Variants in HS2ST1 observed in about 807,000 individuals in gnomAD.
HS2ST1 encodes the protein 2-O-sulfotransferase.
HS2ST1 carries 18 observed loss-of-function variants against 42.9 expected under a neutral mutation model. The ratio of observed to expected loss-of-function variants is 0.42; its 90% CI spans 0.29 to 0.62. HS2ST1 has a LOEUF of 0.62. Among genes scored for constraint, HS2ST1 ranks in the 20% least tolerant of loss-of-function variants. The pLI, the probability that HS2ST1 is intolerant of heterozygous loss-of-function variation, is 0.21. For synonymous variants in HS2ST1, 146 were observed against 152.9 expected, an observed-to-expected ratio of 0.95 and a Z score of 0.33; for missense variants, 334 against 433.8, an observed-to-expected ratio of 0.77 and a Z score of 2.04.
intron 1 of HS2ST1, among the ~76,000 whole-genome samples, chr1:86,976,685 ATCTTT>A (rs758620537): frequency 5.6e-5 from 3 of 53,972 alleles, no homozygotes; most frequent in Non-Finnish European, 1.4e-4. Flanking sequence ...TTGTAAATCC[ATCTTT>A]TCTTTATAAA....
At chr1:87,054,060 C>T (rs963661566) in intron 1 of HS2ST1, among the ~76,000 whole-genome samples, 5 of 152,102 alleles carry the variant, frequency 3.3e-5, no homozygotes, top group African/African-American at 1.2e-4. Flanking sequence ...ATATTACTAC[C>T]TGGATGTTCC....
chr1:87,064,986 G>A (rs1409536952), intron 1 of HS2ST1, among the ~76,000 whole-genome samples: 1 of 152,146 alleles, frequency 6.6e-6, no homozygotes, highest in Non-Finnish European at 1.5e-5. Context: ...ATACTCTTAA[G>A]AAAATAGTGT....
chr1:86,934,976 C>T (rs1257389399), intron 1 of HS2ST1: 2 of 138,460 alleles, frequency 1.4e-5, no homozygotes, highest in African/African-American at 2.7e-5. Context: ...TCAGTTTGTT[C>T]GGCTTTCTGG....
At chr1:86,996,655 A>T (rs921668381) in intron 1 of HS2ST1, among the ~76,000 whole-genome samples, 3 of 152,172 alleles carry the variant, frequency 2.0e-5, no homozygotes, top group African/African-American at 7.2e-5. Flanking sequence ...AGTCAAAGAT[A>T]ACAAAGCATA....
chr1:86,965,046 G>C (rs955575779), intron 1 of HS2ST1, among the ~76,000 whole-genome samples: 3 of 152,132 alleles, frequency 2.0e-5, no homozygotes, highest in Admixed American at 6.5e-5. Flanking sequence ...GCCAAGATTA[G>C]GTGTGTCTGG....
Position 86,955,753 on chromosome 1 carries a change from G to A in HS2ST1, c.124+40593G>A, listed in dbSNP as rs11161911. On this transcript the variant is annotated intron_variant, in intron 1 of 6. Transcript: ENST00000370550. The stretch of plus-strand genomic sequence containing the variant: ...TAGTCCCAGCACTTTGGGAGGCCAA[G>A]GTGGGCGGATTGCCTGAGTCCAGGA... 8.0e-3 allele frequency among the ~76,000 whole-genome samples: 1,213 copies of A among 152,330 alleles called. 22 individuals are homozygous for A. Among genetic ancestry groups the A allele is most frequent in the African/African-American group, 0.028 (1,178 of 41,564 alleles).
chr1:87,080,482 G>GC (rs1470974172), intron 2 of HS2ST1, among the ~76,000 whole-genome samples: 30 of 152,120 alleles, frequency 2.0e-4, no homozygotes, highest in Non-Finnish European at 8.8e-5. Context: ...ATTTGTTAAA[G>GC]CAGAATCATG....
chr1:87,005,268 T>G (rs1649403873), intron 1 of HS2ST1, among the ~76,000 whole-genome samples: 1 of 152,218 alleles, frequency 6.6e-6, no homozygotes, highest in South Asian at 2.1e-4. Flanking sequence ...TTTCAATATT[T>G]TGTCTTGTTA....
chr1:87,000,261 T>C (rs982646423), intron 1 of HS2ST1, among the ~76,000 whole-genome samples: 1 of 152,180 alleles, frequency 6.6e-6, no homozygotes, highest in African/African-American at 2.4e-5. Flanking sequence ...AAAGCTGTAT[T>C]GGATTATACA....
intron 1 of HS2ST1, among the ~76,000 whole-genome samples, chr1:86,995,009 G>GGT (rs750621544): frequency 4.0e-5 from 6 of 151,760 alleles, no homozygotes; most frequent in Non-Finnish European, 5.9e-5. Context: ...AAACATAAGG[G>GGT]GTACTGTATG....
At chr1:87,017,332 T>C (rs1235236432) in intron 1 of HS2ST1, among the ~76,000 whole-genome samples, 2 of 152,178 alleles carry the variant, frequency 1.3e-5, no homozygotes, top group African/African-American at 2.4e-5. Context: ...AGAGGGGGTT[T>C]CACCGTGTTG....
intron 1 of HS2ST1, among the ~76,000 whole-genome samples, chr1:86,962,246 G>A (rs12137990): frequency 2.6e-5 from 4 of 152,078 alleles, no homozygotes; most frequent in Admixed American, 1.3e-4. Flanking sequence ...ATTTTGTTGT[G>A]GAATTACAAA....
At chr1:86,915,190 G>A in intron 1 of HS2ST1, 30 bp downstream of exon 1, 1 of 1,598,032 alleles carries the variant, frequency 6.3e-7, no homozygotes, top group Non-Finnish European at 8.5e-7. Flanking sequence ...CGGGCTGAGT[G>A]CTGTGGAAGG....
At chr1:86,949,028 A>T (rs1414703837) in intron 1 of HS2ST1, among the ~76,000 whole-genome samples, 1 of 152,212 alleles carries the variant, frequency 6.6e-6, no homozygotes, top group Non-Finnish European at 1.5e-5. Flanking sequence ...TTATTATTTT[A>T]AAAAGCTGAT....
chr1:86,931,479 G>C (rs1395555357), intron 1 of HS2ST1, among the ~76,000 whole-genome samples: 1 of 152,030 alleles, frequency 6.6e-6, no homozygotes, highest in Admixed American at 6.6e-5. Flanking sequence ...TGGAGTGATA[G>C]CATTTTTGCA....
intron 1 of HS2ST1, among the ~76,000 whole-genome samples, chr1:87,016,057 C>A (rs186759318): frequency 2.0e-5 from 3 of 150,930 alleles, no homozygotes; most frequent in Non-Finnish European, 4.4e-5. Flanking sequence ...CCTCATGATC[C>A]GCCAACCTCG....
chr1:87,106,525 G>A lies in HS2ST1; in HGVS notation c.*1829G>A, dbSNP rs895066161. 6.6e-6 allele frequency: 1 copy of A among 151,948 alleles called. No individual in the cohort carries two copies. Among genetic ancestry groups the A allele is most frequent in the Non-Finnish European group, 1.5e-5 (1 of 67,914 alleles). The allele number at this position is 151,948 out of a possible 1,614,324, so 9.4% of individuals were successfully genotyped here. A position where few individuals can be genotyped will look rare whatever the true frequency, so the allele number is the denominator to read the frequency against. On this transcript the variant is annotated 3_prime_UTR_variant, in exon 7 of 7. Transcript: ENST00000370550. ...GTAGATTGCCTTAAAGGTTATGGGA[G>A]GGCATGAGGGAACACTTCTTATGAG...
chr1:87,020,332 G>A (rs1340755511), intron 1 of HS2ST1, among the ~76,000 whole-genome samples: 1 of 152,104 alleles, frequency 6.6e-6, no homozygotes, highest in Non-Finnish European at 1.5e-5. Flanking sequence ...CTATTACACT[G>A]ATGCAAATGC....
intron 1 of HS2ST1, among the ~76,000 whole-genome samples, chr1:86,951,395 G>T (rs78679567): frequency 3.5e-4 from 53 of 152,264 alleles, no homozygotes; most frequent in African/African-American, 1.2e-3. Flanking sequence ...GGCAAATAGT[G>T]CAATAAAGCA....
Sources: allele counts gnomAD v4.1 joint callset (sites outside exome capture counted in the v4.1 genomes callset), GRCh38; gene constraint gnomAD v4.1.1; transcripts MANE v1.5; gene names NCBI Gene and HGNC (gene_info 2026-07-23, HGNC 2026-07-21).